AUH: variants seen among roughly 807,000 people sequenced by gnomAD.
The protein encoded by AUH is methylglutaconyl-CoA hydratase, mitochondrial.
AUH carries 29 observed loss-of-function variants against 42.3 expected under a neutral mutation model. The observed-to-expected ratio is 0.69, with a 90% confidence interval of 0.51 to 0.93. The LOEUF is 0.93. Among genes scored for constraint, AUH ranks in the 40% least tolerant of loss-of-function variants. The probability of loss-of-function intolerance (pLI) is 0.00; values close to 1 mark genes in which losing one functional copy is unlikely to be tolerated. For missense variants in AUH, 452 were observed against 438.1 expected (o/e 1.03, Z -0.28); for synonymous variants, 174 against 166.4 (o/e 1.05, Z -0.35).
intron 7 of AUH, among the ~76,000 whole-genome samples, chr9:91,220,003 A>C (rs1006387895): frequency 6.6e-6 from 1 of 152,234 alleles, no homozygotes; most frequent in Non-Finnish European, 1.5e-5. Flanking sequence ...GGGGGTTATA[A>C]AACTTCAAAC....
intron 3 of AUH, among the ~76,000 whole-genome samples, chr9:91,348,096 A>G (rs1315530368): frequency 6.6e-6 from 1 of 152,004 alleles, no homozygotes; most frequent in Middle Eastern, 3.2e-3. Flanking sequence ...AAAAAACCTT[A>G]CAACTCAATG....
chr9:91,294,376 C>T lies in AUH; in HGVS notation c.655+1645G>A, dbSNP rs867203023. On this transcript the variant is annotated intron_variant, in intron 6 of 9. Coordinates refer to ENST00000375731, the MANE Select transcript of AUH (RefSeq NM_001698.3). ...CATCCTGGCCAACATGGTGAAACTC[C>T]GTCTCTACAAAAAATACAAAAATTA... 7.2e-5 allele frequency among the ~76,000 whole-genome samples: 11 copies of T among 152,218 alleles called. No homozygotes were observed. The Middle Eastern group carries it at 0.014, about 188-fold the overall frequency.
chr9:91,249,674 G>GT (rs2131379075), intron 6 of AUH, among the ~76,000 whole-genome samples: 1 of 152,304 alleles, frequency 6.6e-6, no homozygotes, highest in South Asian at 2.1e-4. Context: ...ATCAACTACT[G>GT]TTTGTGTTCA....
intron 6 of AUH, among the ~76,000 whole-genome samples, chr9:91,283,979 A>C (rs1826191508): frequency 6.7e-6 from 1 of 150,288 alleles, no homozygotes; most frequent in Admixed American, 6.6e-5. Flanking sequence ...TTCATATGGA[A>C]AAAAAAAAAG....
At chr9:91,269,907 C>A (rs886765457) in intron 6 of AUH, among the ~76,000 whole-genome samples, 2 of 152,174 alleles carry the variant, frequency 1.3e-5, no homozygotes, top group Non-Finnish European at 2.9e-5. Flanking sequence ...CAAACCTTAT[C>A]TTCAAAACCT....
At chr9:91,276,144 A>G (rs1003337303) in intron 6 of AUH, among the ~76,000 whole-genome samples, 1 of 152,162 alleles carries the variant, frequency 6.6e-6, no homozygotes, top group Non-Finnish European at 1.5e-5. Flanking sequence ...AAAATTAGGA[A>G]CAGGTCGAGC....
intron 3 of AUH, among the ~76,000 whole-genome samples, chr9:91,345,711 T>C (rs570506509): frequency 2.0e-5 from 3 of 151,712 alleles, no homozygotes; most frequent in African/African-American, 7.3e-5. Flanking sequence ...CGAGCCCCTG[T>C]AGTCCCAGCT....
intron 6 of AUH, among the ~76,000 whole-genome samples, chr9:91,238,991 T>C (rs1702904236): frequency 1.3e-5 from 2 of 152,128 alleles, no homozygotes; most frequent in South Asian, 4.1e-4. Flanking sequence ...AGATGTTACT[T>C]CCCCCTTTTT....
intron 6 of AUH, among the ~76,000 whole-genome samples, chr9:91,288,627 G>A (rs528911691): frequency 2.6e-5 from 4 of 152,086 alleles, no homozygotes; most frequent in African/African-American, 9.6e-5. Flanking sequence ...TAAAAGCATT[G>A]GTTCAAGTAT....
At chr9:91,261,924 A>C (rs1398180373) in intron 6 of AUH, among the ~76,000 whole-genome samples, 2 of 152,254 alleles carry the variant, frequency 1.3e-5, no homozygotes, top group Non-Finnish European at 2.9e-5. Flanking sequence ...TTTGAATTAG[A>C]CTTGAGAATG....
At chr9:91,311,699 T>C (rs1017620283) in intron 4 of AUH, among the ~76,000 whole-genome samples, 2 of 152,188 alleles carry the variant, frequency 1.3e-5, no homozygotes, top group Non-Finnish European at 2.9e-5. Flanking sequence ...CCATATTCTA[T>C]ACTGCTAATG....
chr9:91,321,361 G>A (rs1829555886), intron 4 of AUH, among the ~76,000 whole-genome samples: 2 of 151,940 alleles, frequency 1.3e-5, no homozygotes, highest in South Asian at 4.2e-4. Context: ...TTTTAAGATT[G>A]GATGAACTTA....
intron 3 of AUH, chr9:91,342,767 G>C (rs763636355): frequency 2.0e-5 from 3 of 152,114 alleles, no homozygotes; most frequent in Non-Finnish European, 2.9e-5. Context: ...TCTCTGACGT[G>C]CTCAAATGAA....
At chr9:91,233,986 C>T (rs972775152) in intron 6 of AUH, among the ~76,000 whole-genome samples, 8 of 152,104 alleles carry the variant, frequency 5.3e-5, no homozygotes, top group African/African-American at 1.9e-4. Flanking sequence ...ACTAAGAAGA[C>T]GGGGGTAGGC....
At chr9:91,345,217 AT>A (rs552147716) in intron 3 of AUH, among the ~76,000 whole-genome samples, 40 of 152,240 alleles carry the variant, frequency 2.6e-4, no homozygotes, top group Admixed American at 1.3e-3. Context: ...ATAAAAAAAA[AT>A]AAAAGGTGAA....
intron 6 of AUH, among the ~76,000 whole-genome samples, chr9:91,256,507 G>A (rs559593670): frequency 7.9e-5 from 12 of 152,134 alleles, no homozygotes; most frequent in East Asian, 1.9e-4. Flanking sequence ...TTACGGACAC[G>A]GAGAAGGGAG....
chr9:91,235,727 C>A (rs1327862297), intron 6 of AUH, among the ~76,000 whole-genome samples: 1 of 152,180 alleles, frequency 6.6e-6, no homozygotes, highest in African/African-American at 2.4e-5. Flanking sequence ...ACTATTCACC[C>A]TACCCTTCCT....
In AUH at chr9:91,220,798, GA is replaced by G; in HGVS notation, c.843+6del. ...GAGAAAAAATAAACTCATTTAATGA[GA>G]AATACCTGAGGTAAAAACTCTCTCG... is the stretch of plus-strand genomic sequence containing the variant. On this transcript the variant is annotated splice_donor_region_variant and intron_variant, in intron 7 of 9. Coordinates refer to ENST00000375731, the MANE Select transcript of AUH (RefSeq NM_001698.3). The G allele has an allele frequency of 6.2e-7, 1 of 1,613,892 alleles. No individual in the cohort carries two copies. Among genetic ancestry groups the G allele is most frequent in the South Asian group, 1.1e-5 (1 of 91,070 alleles).
intron 6 of AUH, among the ~76,000 whole-genome samples, chr9:91,281,978 C>A (rs527976044): frequency 6.6e-6 from 1 of 152,246 alleles, no homozygotes; most frequent in South Asian, 2.1e-4. Context: ...CACACCTCTG[C>A]TGAAAAACCT....
Sources: allele counts gnomAD v4.1 joint callset (sites outside exome capture counted in the v4.1 genomes callset), GRCh38; gene constraint gnomAD v4.1.1; transcripts MANE v1.5; gene names NCBI Gene and HGNC (gene_info 2026-07-23, HGNC 2026-07-21).